CACNA1E: variants seen among roughly 807,000 people sequenced by gnomAD.
CACNA1E encodes voltage-dependent R-type calcium channel subunit alpha-1E.
CACNA1E carries 40 observed loss-of-function variants against 259.2 expected under a neutral mutation model. The observed-to-expected ratio is 0.15, with a 90% CI of 0.12 to 0.20. The LOEUF is 0.20. Among genes scored for constraint, CACNA1E ranks in the 10% least tolerant of loss-of-function variants. The probability of loss-of-function intolerance (pLI) is 1.00; values close to 1 mark genes in which losing one functional copy is unlikely to be tolerated. For missense variants in CACNA1E, 1,874 were observed against 3,040.1 expected, an observed-to-expected ratio of 0.62 and a Z score of 9.02; for synonymous variants, 1,104 against 1,138.5, an observed-to-expected ratio of 0.97 and a Z score of 0.61.
At chr1:181,374,328 A>G (rs753917029) in intron 1 of CACNA1E, among the ~76,000 whole-genome samples, 5 of 150,742 alleles carry the variant, frequency 3.3e-5, no homozygotes, top group Non-Finnish European at 5.9e-5. Context: ...GATGTCCTTA[A>G]TACTGATTTC....
intron 3 of CACNA1E, among the ~76,000 whole-genome samples, chr1:181,573,166 G>A (rs1650589923): frequency 6.6e-6 from 1 of 152,134 alleles, no homozygotes; most frequent in Non-Finnish European, 1.5e-5. Context: ...GCAATATGAG[G>A]AAAATTTTGA....
At chr1:181,656,405 A>G (rs1023127524) in intron 7 of CACNA1E, among the ~76,000 whole-genome samples, 4 of 152,216 alleles carry the variant, frequency 2.6e-5, no homozygotes, top group Admixed American at 1.3e-4. Flanking sequence ...GATTTTAAAA[A>G]GTAAAAAAGT....
At chr1:181,558,263 C>T (rs1021571890) in intron 3 of CACNA1E, among the ~76,000 whole-genome samples, 1 of 152,134 alleles carries the variant, frequency 6.6e-6, no homozygotes, top group Non-Finnish European at 1.5e-5. Flanking sequence ...CACTGTGTTC[C>T]TGGAGTTTGG....
In CACNA1E at chr1:181,731,639, T is replaced by C. The variant is rs377404026; in HGVS notation, c.2297+408T>C. Among the ~76,000 whole-genome samples, 113 of 152,144 alleles carry C rather than the reference T, an allele frequency of 7.4e-4. 2 individuals are homozygous for C. Among genetic ancestry groups the C allele is most frequent in the African/African-American group, 2.6e-3 (109 of 41,502 alleles). On this transcript the variant is annotated intron_variant, in intron 19 of 47. Coordinates refer to ENST00000367573, the MANE Select transcript of CACNA1E (RefSeq NM_001205293.3). ...GCACAGGCTCAGGGAGGAGGTAACT[T>C]CCCCTCCGCCCAGCGAGCCCTCTCC...
chr1:181,719,637 G>C, intron 12 of CACNA1E, 114 bp from the exon 13 acceptor site: 3 of 553,122 alleles, frequency 5.4e-6, no homozygotes, highest in Non-Finnish European at 6.5e-6. Flanking sequence ...TGGGAGAGGA[G>C]AGTTTTTATT....
At chr1:181,401,565 G>T (rs1205829157) in intron 1 of CACNA1E, among the ~76,000 whole-genome samples, 1 of 152,178 alleles carries the variant, frequency 6.6e-6, no homozygotes, top group Non-Finnish European at 1.5e-5. Flanking sequence ...GAAGATTGTT[G>T]AGGAGATTGG....
intron 1 of CACNA1E, among the ~76,000 whole-genome samples, chr1:181,484,391 C>T (rs1206610432): frequency 6.6e-6 from 1 of 152,020 alleles, no homozygotes; most frequent in Non-Finnish European, 1.5e-5. Context: ...ATTTTCCTTT[C>T]TTTAAGCCAG....
rs1662627016 is a variant in CACNA1E, at chr1:181,806,390, T to C, written c.*7556T>C. On this transcript the variant is annotated 3_prime_UTR_variant, in exon 48 of 48. Coordinates refer to ENST00000367573, the MANE Select transcript of CACNA1E (RefSeq NM_001205293.3). ...GCCCATGGTCAGGCCATTCCCTCTTTGTTTTGCTCCTAGAGGATGAGCATG... is the reference window on the plus strand; with the variant it reads ...GCCCATGGTCAGGCCATTCCCTCTTCGTTTTGCTCCTAGAGGATGAGCATG... The C allele has an allele frequency of 6.6e-6, 1 of 152,240 alleles. No individual in the cohort carries two copies. 9.4% of individuals were successfully genotyped at this position (152,240 alleles called of 1,614,324 possible).
intron 7 of CACNA1E, among the ~76,000 whole-genome samples, chr1:181,659,687 G>A (rs1243463603): frequency 6.6e-6 from 1 of 152,202 alleles, no homozygotes; most frequent in Non-Finnish European, 1.5e-5. Context: ...GAGCTCTCTT[G>A]TGTAAAGCAT....
chr1:181,668,454 T>A lies in CACNA1E; in HGVS notation c.1055+17013T>A, dbSNP rs1348850404. 9.9e-5 allele frequency among the ~76,000 whole-genome samples: 15 copies of A among 152,164 alleles called. 1 individual carries two copies. The highest frequency in any genetic ancestry group is 9.8e-4 in the Admixed American group (15 of 15,274). On this transcript the variant is annotated intron_variant, in intron 7 of 47. Transcript: ENST00000367573. The stretch of plus-strand genomic sequence containing the variant: ...CAAGTAAGGCTGCTATGAAGAACAT[T>A]TGTGTACAGGTTTTTGTGTGAACAT...
chr1:181,633,386 A>G (rs1163688063), intron 6 of CACNA1E, among the ~76,000 whole-genome samples: 2 of 152,130 alleles, frequency 1.3e-5, no homozygotes, highest in East Asian at 3.9e-4. Context: ...TTTCCGATTC[A>G]TGCAATGTAG....
At chr1:181,572,564 C>T (rs548127156) in intron 3 of CACNA1E, among the ~76,000 whole-genome samples, 3 of 152,100 alleles carry the variant, frequency 2.0e-5, no homozygotes, top group Non-Finnish European at 4.4e-5. Flanking sequence ...GCATTAAGCA[C>T]CCCCCTGTAT....
chr1:181,626,961 A>C (rs149035566), intron 6 of CACNA1E, among the ~76,000 whole-genome samples: 10 of 152,344 alleles, frequency 6.6e-5, no homozygotes, highest in African/African-American at 2.4e-4. Flanking sequence ...TCTTAATTGC[A>C]TTGGTGTAAA....
intron 1 of CACNA1E, 150 bp from the exon 2 acceptor site, chr1:181,510,327 C>T: frequency 3.1e-6 from 2 of 636,090 alleles, no homozygotes; most frequent in Non-Finnish European, 5.8e-6. Context: ...GGACCATCCA[C>T]TGTCTTGCCT....
intron 1 of CACNA1E, among the ~76,000 whole-genome samples, chr1:181,398,774 G>T (rs536434656): frequency 6.6e-6 from 1 of 152,302 alleles, no homozygotes; most frequent in African/African-American, 2.4e-5. Context: ...TCTGAGCAGT[G>T]CAGCTGGACC....
intron 7 of CACNA1E, among the ~76,000 whole-genome samples, chr1:181,659,043 G>A (rs897635661): frequency 3.9e-5 from 6 of 152,024 alleles, no homozygotes; most frequent in Non-Finnish European, 8.8e-5. Flanking sequence ...GAAGCAGCCT[G>A]GGAAATAGCT....
chr1:181,731,687 A>G (rs1312040551), intron 19 of CACNA1E, among the ~76,000 whole-genome samples: 2 of 151,970 alleles, frequency 1.3e-5, no homozygotes, highest in African/African-American at 2.4e-5. Flanking sequence ...TGCACTTGTC[A>G]TGTTCATGAT....
intron 6 of CACNA1E, among the ~76,000 whole-genome samples, chr1:181,623,022 A>AT (rs764197564): frequency 1.3e-5 from 2 of 152,132 alleles, no homozygotes; most frequent in Admixed American, 6.5e-5. Flanking sequence ...AAAAACAATC[A>AT]TTTTTTCTCA....
At position 181,721,574 on chromosome 1, in the gene CACNA1E, T is replaced by C. The variant is rs77068887; in HGVS notation, c.1957-184T>C. 7.4e-3 allele frequency among the ~76,000 whole-genome samples: 1,126 copies of C among 151,786 alleles called. 17 individuals are homozygous for C. The highest frequency in any genetic ancestry group is 0.025 in the African/African-American group (1,047 of 41,446). ...CCATTTTCAATGCCTAAAATTCTTTTCCATACGAAAAAAAAGTTTAGGATT... is the reference window on the plus strand; with the variant it reads ...CCATTTTCAATGCCTAAAATTCTTTCCCATACGAAAAAAAAGTTTAGGATT... On this transcript the variant is annotated intron_variant, in intron 15 of 47. Transcript: ENST00000367573.
Sources: gnomAD v4.1 joint callset for allele counts (sites outside exome capture counted in the v4.1 genomes callset) on GRCh38, gnomAD v4.1.1 for gene constraint, MANE v1.5 for transcripts, NCBI Gene and HGNC (gene_info 2026-07-23, HGNC 2026-07-21) for gene names.